MBOAT2: variants seen among roughly 807,000 people sequenced by gnomAD.
The protein encoded by MBOAT2 is membrane-bound glycerophospholipid O-acyltransferase 2.
A neutral mutation model predicts 63.4 loss-of-function variants in MBOAT2; 28 were observed. The ratio of observed to expected loss-of-function variants is 0.44; its 90% CI spans 0.33 to 0.61. The LOEUF is 0.61. Ranked by LOEUF, MBOAT2 falls within the 20% of genes least tolerant of loss-of-function variation. MBOAT2 has a pLI of 0.03. For synonymous variants in MBOAT2, 211 were observed against 215.6 expected, an observed-to-expected ratio of 0.98 and a Z score of 0.19; for missense variants, 470 against 605.8, an observed-to-expected ratio of 0.78 and a Z score of 2.35.
intron 2 of MBOAT2, among the ~76,000 whole-genome samples, chr2:8,952,236 T>C (rs968893813): frequency 6.6e-6 from 1 of 152,238 alleles, no homozygotes; most frequent in Non-Finnish European, 1.5e-5. Flanking sequence ...TTTTGAGAGA[T>C]CTTCTTGGTA....
At chr2:8,999,830 G>A (rs1672560437) in intron 1 of MBOAT2, among the ~76,000 whole-genome samples, 1 of 152,224 alleles carries the variant, frequency 6.6e-6, no homozygotes, top group Non-Finnish European at 1.5e-5. Context: ...AACTTCACTT[G>A]ATAATAGATT....
chr2:8,926,178 G>T (rs1666919354), intron 3 of MBOAT2, among the ~76,000 whole-genome samples: 1 of 152,116 alleles, frequency 6.6e-6, no homozygotes, highest in Non-Finnish European at 1.5e-5. Context: ...ACCCAGGCTG[G>T]AGTACAGTGG....
intron 1 of MBOAT2, among the ~76,000 whole-genome samples, chr2:8,988,182 T>C (rs1241922720): frequency 6.6e-6 from 1 of 152,146 alleles, no homozygotes; most frequent in African/African-American, 2.4e-5. Context: ...TCCCCACTAT[T>C]TTGCTTTGGT....
chr2:8,970,985 A>T (rs1189863032), intron 1 of MBOAT2, among the ~76,000 whole-genome samples: 1 of 152,240 alleles, frequency 6.6e-6, no homozygotes, highest in African/African-American at 2.4e-5. Context: ...CAATCAATAG[A>T]AAAAGAGGGA....
At chr2:8,867,830 T>G (rs1028538756) in intron 9 of MBOAT2, among the ~76,000 whole-genome samples, 1 of 152,240 alleles carries the variant, frequency 6.6e-6, no homozygotes, top group African/African-American at 2.4e-5. Context: ...ACATTCTACA[T>G]GCCAGATCCT....
At chr2:8,971,979 G>A (rs1158972188) in intron 1 of MBOAT2, among the ~76,000 whole-genome samples, 2 of 152,140 alleles carry the variant, frequency 1.3e-5, no homozygotes, top group Admixed American at 6.5e-5. Context: ...TCCCCATCAA[G>A]CTACCAATGA....
At chr2:8,907,751 G>C (rs1412281095) in intron 4 of MBOAT2, among the ~76,000 whole-genome samples, 1 of 152,126 alleles carries the variant, frequency 6.6e-6, no homozygotes, top group African/African-American at 2.4e-5. Flanking sequence ...TTTAAAATCT[G>C]TGTAGTAAAA....
intron 3 of MBOAT2, 62 bp from the exon 4 acceptor site, chr2:8,908,778 T>A: frequency 2.2e-6 from 2 of 926,350 alleles, no homozygotes; most frequent in Non-Finnish European, 3.4e-6. Context: ...AGAGTACATT[T>A]TAAAGTAATT....
chr2:8,880,801 G>A (rs1011259979), intron 6 of MBOAT2, among the ~76,000 whole-genome samples: 7 of 152,330 alleles, frequency 4.6e-5, no homozygotes, highest in African/African-American at 7.2e-5. Flanking sequence ...CCAATGCTGC[G>A]AGGTTCAGCA....
At chr2:8,965,081 AT>A (rs1334269128) in intron 1 of MBOAT2, among the ~76,000 whole-genome samples, 1 of 152,026 alleles carries the variant, frequency 6.6e-6, no homozygotes, top group Non-Finnish European at 1.5e-5. Context: ...TTAGCTTTTT[AT>A]TTTTGCAGTA....
intron 3 of MBOAT2, among the ~76,000 whole-genome samples, chr2:8,937,000 A>ATTT (rs1314647896): frequency 6.6e-6 from 1 of 152,162 alleles, no homozygotes; most frequent in African/African-American, 2.4e-5. Flanking sequence ...CCTGAAACAC[A>ATTT]TTCCTCTTCC....
intron 2 of MBOAT2, among the ~76,000 whole-genome samples, chr2:8,952,953 A>G (rs1156555997): frequency 6.6e-6 from 1 of 152,160 alleles, no homozygotes; most frequent in Non-Finnish European, 1.5e-5. Context: ...TAAGTGGAGC[A>G]TGTAGGTCAT....
At position 8,864,236 on chromosome 2, in the gene MBOAT2, TG is replaced by T. The variant is rs757150157; in HGVS notation, c.988-3del. The T allele has an allele frequency of 4.3e-5, 67 of 1,553,784 alleles. No individual in the cohort carries two copies. Among genetic ancestry groups the T allele is most frequent in the African/African-American group, 5.6e-5 (4 of 71,522 alleles). ...AAACATCTTGAAACTTGTTGACATC[TG>T]AAAAAAAAGGAAACTTTTTTCTTTG... On this transcript the variant is annotated splice_region_variant and splice_polypyrimidine_tract_variant and intron_variant, in intron 9 of 12. Transcript: ENST00000305997.
Position 9,001,054 on chromosome 2 carries a change from T to C in MBOAT2, c.75+2486A>G, listed in dbSNP as rs111523694. Among the ~76,000 whole-genome samples the C allele has an allele frequency of 5.0e-3, 763 of 152,240 alleles. 9 individuals carry two copies. Among genetic ancestry groups the C allele is most frequent in the South Asian group, 0.02 (96 of 4,826 alleles). ...CCACACAGGGTCAGGATCATTAACA[T>C]CACTGTCTTCCACCTCCACAGCCTG... On this transcript the variant is annotated intron_variant, in intron 1 of 12. Transcript: ENST00000305997.
intron 3 of MBOAT2, among the ~76,000 whole-genome samples, chr2:8,922,156 G>A (rs1164272810): frequency 6.6e-6 from 1 of 152,090 alleles, no homozygotes; most frequent in Non-Finnish European, 1.5e-5. Flanking sequence ...TCACTGTGTA[G>A]CACTTATCAT....
chr2:8,934,788 A>T (rs946963079), intron 3 of MBOAT2, among the ~76,000 whole-genome samples: 2 of 152,116 alleles, frequency 1.3e-5, no homozygotes, highest in Non-Finnish European at 2.9e-5. Flanking sequence ...GTCCTCAGTG[A>T]AGTTAGTATT....
chr2:8,899,215 C>T (rs1664723929), intron 4 of MBOAT2, among the ~76,000 whole-genome samples: 1 of 152,068 alleles, frequency 6.6e-6, no homozygotes. Flanking sequence ...TAACTTGTTC[C>T]CCATATTCAC....
chr2:9,003,581 G>A lies in MBOAT2; in HGVS notation c.34C>T (p.Leu12=). 1.6e-6 allele frequency: 2 copies of A among 1,228,772 alleles called. No individual in the cohort carries two copies. The highest frequency in any genetic ancestry group is 1.0e-6 in the Non-Finnish European group (1 of 979,128). 76.1% of individuals were successfully genotyped at this position (1,228,772 alleles called of 1,614,324 possible). A position where few individuals can be genotyped will look rare whatever the true frequency, so the allele number is the denominator to read the frequency against. The part of the protein sequence containing the change: ...ATTSTTGSTL[L]QPLSNAVQLP... ...TGCACGGCGTTGCTGAGGGGCTGCA[G>A]CAGGGTGGAGCCCGTGGTGCTGGTG... is the stretch of plus-strand genomic sequence containing the variant. The change falls in exon 1 of 13, where the codon CTG becomes TTG. Residue 12 remains leucine, a synonymous_variant. Transcript: ENST00000305997. This position sits in a 1 kb window ranked among gnomAD's most constrained non-coding sequence, Gnocchi z 5.4.
chr2:8,901,074 C>G (rs1487861595), intron 4 of MBOAT2, among the ~76,000 whole-genome samples: 3 of 152,182 alleles, frequency 2.0e-5, no homozygotes, highest in African/African-American at 4.8e-5. Flanking sequence ...GAACCTGCAA[C>G]AGTCCCTGGA....
Sources: allele counts gnomAD v4.1 joint callset (sites outside exome capture counted in the v4.1 genomes callset), GRCh38; gene constraint gnomAD v4.1.1; non-coding constraint Gnocchi (gnomAD v3.1); transcripts MANE v1.5; gene names NCBI Gene and HGNC (gene_info 2026-07-23, HGNC 2026-07-21).